The following CERS6 variants were observed in gnomAD, a reference collection of about 807,000 sequenced individuals.
CERS6 encodes LAG1 homolog, ceramide synthase 6.
Under a neutral mutation model 56.8 loss-of-function variants are expected in CERS6, and 26 were observed. The ratio of observed to expected loss-of-function variants is 0.46; its 90% confidence interval spans 0.34 to 0.63. The LOEUF (loss-of-function observed/expected upper bound fraction) is 0.63, where lower values mean the gene tolerates loss of function less well. Ranked by LOEUF, CERS6 falls within the 30% of genes least tolerant of loss-of-function variation. CERS6 has a pLI of 0.01. For synonymous variants in CERS6, 164 were observed against 173.3 expected, an observed-to-expected ratio of 0.95 and a Z score of 0.42; for missense variants, 415 against 467.5, an observed-to-expected ratio of 0.89 and a Z score of 1.04.
At chr2:168,603,801 A>G (rs1683989685) in intron 3 of CERS6, among the ~76,000 whole-genome samples, 3 of 152,218 alleles carry the variant, frequency 2.0e-5, no homozygotes, top group African/African-American at 7.2e-5. Context: ...GAGCTTAAAG[A>G]GTCTGCTGAG....
chr2:168,571,137 C>T (rs1695978070), intron 3 of CERS6, among the ~76,000 whole-genome samples: 1 of 152,124 alleles, frequency 6.6e-6, no homozygotes, highest in Non-Finnish European at 1.5e-5. Context: ...CACTCTGTTA[C>T]TTCCTCTTGG....
chr2:168,676,711 C>T (rs1204050942), intron 4 of CERS6, among the ~76,000 whole-genome samples: 2 of 152,176 alleles, frequency 1.3e-5, no homozygotes, highest in Non-Finnish European at 2.9e-5. Flanking sequence ...CTAGTTCAGC[C>T]TGCAACTCAA....
chr2:168,682,158 A>G (rs1686233629), intron 4 of CERS6, among the ~76,000 whole-genome samples: 1 of 152,186 alleles, frequency 6.6e-6, no homozygotes, highest in Non-Finnish European at 1.5e-5. Flanking sequence ...GCTGGATCAT[A>G]TGGTAGTTCT....
intron 3 of CERS6, among the ~76,000 whole-genome samples, chr2:168,569,662 CATT>C (rs1289132657): frequency 1.3e-5 from 2 of 152,330 alleles, no homozygotes; most frequent in African/African-American, 4.8e-5. Context: ...GTTAGGCTCA[CATT>C]AGAAGACATT....
chr2:168,542,063 A>G (rs946387311), intron 1 of CERS6, among the ~76,000 whole-genome samples: 5 of 152,170 alleles, frequency 3.3e-5, no homozygotes, highest in Non-Finnish European at 7.3e-5. Context: ...CAACTTGGAC[A>G]CTTCCCCAAA....
chr2:168,575,541 G>A (rs1160614430), intron 3 of CERS6, among the ~76,000 whole-genome samples: 1 of 152,014 alleles, frequency 6.6e-6, no homozygotes, highest in East Asian at 1.9e-4. Flanking sequence ...CTTAACATGT[G>A]GGGATTATAT....
chr2:168,759,947 CATTTT>C (rs1465478900), intron 8 of CERS6, among the ~76,000 whole-genome samples: 1 of 151,712 alleles, frequency 6.6e-6, no homozygotes, highest in Non-Finnish European at 1.5e-5. Context: ...TACTGTCTTC[CATTTT>C]ATTTTATTGG....
intron 1 of CERS6, among the ~76,000 whole-genome samples, chr2:168,467,084 C>T (rs1418194803): frequency 6.6e-6 from 1 of 152,110 alleles, no homozygotes; most frequent in Non-Finnish European, 1.5e-5. Flanking sequence ...TTGTCACTTC[C>T]TCCTTTCTTA....
At chr2:168,635,168 G>A (rs1446894441) in intron 4 of CERS6, among the ~76,000 whole-genome samples, 2 of 152,162 alleles carry the variant, frequency 1.3e-5, no homozygotes, top group African/African-American at 2.4e-5. Context: ...AGTAATAGCA[G>A]GAAGGCACTG....
At chr2:168,565,308 C>G (rs762942481) in intron 3 of CERS6, among the ~76,000 whole-genome samples, 4 of 152,094 alleles carry the variant, frequency 2.6e-5, no homozygotes, top group Non-Finnish European at 4.4e-5. Flanking sequence ...TACACGTGCC[C>G]GAGCCCCATC....
intron 3 of CERS6, among the ~76,000 whole-genome samples, chr2:168,625,828 G>C (rs1684578606): frequency 6.6e-6 from 1 of 152,044 alleles, no homozygotes; most frequent in African/African-American, 2.4e-5. Flanking sequence ...AGCTACCCTG[G>C]TATTGAAAAG....
chr2:168,558,826 A>G (rs974740795), intron 2 of CERS6, among the ~76,000 whole-genome samples: 14 of 152,154 alleles, frequency 9.2e-5, no homozygotes, highest in African/African-American at 3.4e-4. Context: ...CAGAGATTGC[A>G]CCACTGCACT....
intron 1 of CERS6, among the ~76,000 whole-genome samples, chr2:168,538,284 C>T (rs973345660): frequency 6.6e-6 from 1 of 151,190 alleles, no homozygotes. Flanking sequence ...CTAGAAGGCA[C>T]TGTGTGTGGC....
intron 4 of CERS6, among the ~76,000 whole-genome samples, chr2:168,643,361 T>A (rs1217616342): frequency 2.0e-5 from 3 of 152,194 alleles, no homozygotes; most frequent in Admixed American, 2.0e-4. Context: ...GTTGTTGTTG[T>A]CGGGTGGGGC....
intron 1 of CERS6, among the ~76,000 whole-genome samples, chr2:168,484,899 C>T (rs771913775): frequency 2.6e-5 from 4 of 152,156 alleles, no homozygotes; most frequent in Non-Finnish European, 5.9e-5. Context: ...ACTGAAATAA[C>T]GCTTCATATT....
rs190003338 is a variant in CERS6, at chr2:168,637,674, A to G, written c.465+6632A>G. ...ATTAGAAGAATATTTTAATTAAATT[A>G]TCAAAGTGACAAAATGACATGCAAT... On this transcript the variant is annotated intron_variant, in intron 4 of 9. Coordinates refer to ENST00000305747, the MANE Select transcript of CERS6 (RefSeq NM_203463.3). 2.8e-3 allele frequency among the ~76,000 whole-genome samples: 424 copies of G among 152,334 alleles called. 4 individuals carry two copies. Among genetic ancestry groups the G allele is most frequent in the African/African-American group, 9.3e-3 (387 of 41,582 alleles).
At chr2:168,747,173 T>C (rs3914919) in intron 8 of CERS6, among the ~76,000 whole-genome samples, 110,706 of 151,950 alleles carry the variant, frequency 0.73, 40,916 homozygotes, top group African/African-American at 0.83. Flanking sequence ...ATGGTCCCAG[T>C]TACTCAGGAG....
At chr2:168,655,572 C>T (rs571974935) in intron 4 of CERS6, among the ~76,000 whole-genome samples, 62 of 152,290 alleles carry the variant, frequency 4.1e-4, no homozygotes, top group Middle Eastern at 6.8e-3. Context: ...TTTGCCACAG[C>T]GCCAGTGGAC....
chr2:168,514,712 G>GCTCAGATA (rs1428507523), intron 1 of CERS6, among the ~76,000 whole-genome samples: 1 of 152,214 alleles, frequency 6.6e-6, no homozygotes, highest in Admixed American at 6.5e-5. Flanking sequence ...GAAAACAACT[G>GCTCAGATA]CTCAGATAAA....
Sources: gnomAD v4.1 joint callset for allele counts (sites outside exome capture counted in the v4.1 genomes callset) on GRCh38, gnomAD v4.1.1 for gene constraint, MANE v1.5 for transcripts, NCBI Gene and HGNC (gene_info 2026-07-23, HGNC 2026-07-21) for gene names.